EMCN: variants seen among roughly 807,000 people sequenced by gnomAD.
EMCN encodes the protein endomucin, also known as MUC-14.
EMCN carries 37 observed loss-of-function variants against 38.4 expected under a neutral mutation model. That is an observed-to-expected ratio of 0.96 (90% CI 0.74 to 1.27). The LOEUF is 1.27. EMCN is among the 50% of genes most tolerant of loss of function. EMCN has a pLI of 0.00. For missense variants in EMCN, 318 were observed against 302.8 expected (o/e 1.05, Z -0.37); for synonymous variants, 95 against 100.8 (o/e 0.94, Z 0.35).
intron 1 of EMCN, among the ~76,000 whole-genome samples, chr4:100,493,050 A>C (rs866963468): frequency 1.3e-5 from 2 of 152,214 alleles, no homozygotes; most frequent in Non-Finnish European, 2.9e-5. Flanking sequence ...TGAATTTATC[A>C]TGTTTATAAC....
At chr4:100,411,273 C>T (rs1300783133) in intron 10 of EMCN, among the ~76,000 whole-genome samples, 1 of 152,122 alleles carries the variant, frequency 6.6e-6, no homozygotes, top group Non-Finnish European at 1.5e-5. Flanking sequence ...CTGCAGCACC[C>T]CCAGCCCCTG....
intron 1 of EMCN, among the ~76,000 whole-genome samples, chr4:100,496,999 T>A (rs767511575): frequency 1.3e-5 from 2 of 151,872 alleles, no homozygotes; most frequent in Non-Finnish European, 2.9e-5. Flanking sequence ...TTTTTTCTCA[T>A]ATTAGCATGC....
intron 5 of EMCN, among the ~76,000 whole-genome samples, 177 bp downstream of exon 5, chr4:100,447,356 A>G (rs981626561): frequency 2.0e-5 from 3 of 152,074 alleles, no homozygotes; most frequent in African/African-American, 7.2e-5. Context: ...ATGTCCTTAT[A>G]TGTTCTCCTG....
chr4:100,479,293 T>C (rs921688961), intron 2 of EMCN, among the ~76,000 whole-genome samples: 6 of 152,248 alleles, frequency 3.9e-5, no homozygotes, highest in Non-Finnish European at 5.9e-5. Context: ...TTACAGGACC[T>C]GTGTGATATG....
chr4:100,478,276 G>T (rs1240829605), intron 2 of EMCN, among the ~76,000 whole-genome samples: 1 of 152,066 alleles, frequency 6.6e-6, no homozygotes, highest in Non-Finnish European at 1.5e-5. Flanking sequence ...TCTCTCAGTA[G>T]CTCTCATTAG....
At chr4:100,508,028 C>T (rs773663138) in intron 1 of EMCN, among the ~76,000 whole-genome samples, 2 of 152,044 alleles carry the variant, frequency 1.3e-5, no homozygotes, top group Admixed American at 6.6e-5. Flanking sequence ...GCAGAAGAAG[C>T]GTATCTAGTG....
At chr4:100,454,351 T>C (rs866199561) in intron 4 of EMCN, among the ~76,000 whole-genome samples, 4 of 151,924 alleles carry the variant, frequency 2.6e-5, no homozygotes, top group African/African-American at 9.7e-5. Flanking sequence ...CCTTTGTTAT[T>C]GACAACTAAC....
At chr4:100,456,873 C>T (rs1037300492) in intron 4 of EMCN, among the ~76,000 whole-genome samples, 3 of 152,072 alleles carry the variant, frequency 2.0e-5, no homozygotes, top group African/African-American at 7.2e-5. Flanking sequence ...ATTTATGCTA[C>T]ATCAATACCT....
At chr4:100,401,720 C>A (rs3775349) in intron 11 of EMCN, among the ~76,000 whole-genome samples, 26,376 of 152,094 alleles carry the variant, frequency 0.17, 3,809 homozygotes, top group East Asian at 0.77. Flanking sequence ...AAATAGCTAA[C>A]AATCCACATT....
intron 4 of EMCN, among the ~76,000 whole-genome samples, chr4:100,456,218 T>C (rs1439404164): frequency 6.6e-6 from 1 of 152,194 alleles, no homozygotes; most frequent in Non-Finnish European, 1.5e-5. Context: ...TCTGGTCTTT[T>C]TTCTCTCCAA....
intron 7 of EMCN, among the ~76,000 whole-genome samples, chr4:100,422,474 C>T (rs981145055): frequency 2.0e-5 from 3 of 151,984 alleles, no homozygotes; most frequent in African/African-American, 7.2e-5. Flanking sequence ...TCTTAGCACA[C>T]ACATAAATGT....
intron 1 of EMCN, among the ~76,000 whole-genome samples, chr4:100,510,356 G>A (rs911520670): frequency 6.6e-6 from 1 of 152,074 alleles, no homozygotes; most frequent in African/African-American, 2.4e-5. Context: ...TGCATATATT[G>A]TAATTAAAAT....
At chr4:100,499,356 T>C (rs909229423) in intron 1 of EMCN, among the ~76,000 whole-genome samples, 4 of 152,354 alleles carry the variant, frequency 2.6e-5, no homozygotes, top group African/African-American at 9.6e-5. Context: ...AATATGGCAA[T>C]ATTAGTATTA....
At chr4:100,433,026 T>C (rs571326655) in intron 5 of EMCN, among the ~76,000 whole-genome samples, 16 of 152,296 alleles carry the variant, frequency 1.1e-4, no homozygotes, top group African/African-American at 3.4e-4. Flanking sequence ...CCAAATACAG[T>C]ACAATTGTGT....
chr4:100,413,367 GT>G (rs891410504), intron 10 of EMCN, among the ~76,000 whole-genome samples: 62 of 149,544 alleles, frequency 4.1e-4, no homozygotes, highest in African/African-American at 1.3e-3. Context: ...AACCATTTAA[GT>G]TTTTTTTTTC....
intron 1 of EMCN, among the ~76,000 whole-genome samples, chr4:100,509,442 G>A (rs573643288): frequency 6.6e-6 from 1 of 152,252 alleles, no homozygotes; most frequent in Middle Eastern, 3.4e-3. Flanking sequence ...TTTAAAAACT[G>A]GGTTTGCAGA....
intron 1 of EMCN, among the ~76,000 whole-genome samples, chr4:100,485,377 C>T (rs1578225672): frequency 6.6e-6 from 1 of 151,978 alleles, no homozygotes; most frequent in African/African-American, 2.4e-5. Flanking sequence ...TGGTGTATCA[C>T]AGTATATCAT....
chr4:100,478,724 C>T (rs1486724004), intron 2 of EMCN, among the ~76,000 whole-genome samples: 1 of 152,164 alleles, frequency 6.6e-6, no homozygotes, highest in Non-Finnish European at 1.5e-5. Flanking sequence ...TAAAACTTCT[C>T]TGACCCATTA....
Position 100,423,317 on chromosome 4 carries a change from G to T in EMCN, c.503C>A (p.Ser168Tyr). ...PVTIPENTSQ[S>Y]QVIGTEGGKN... is the part of the protein sequence containing the mutation. ...CAGGCACACAGATATCATACCTTGA[G>T]ACTGTGAGGTGTTTTCTGGAATTGT... Residue 168 changes from serine (S) to tyrosine (Y), a missense_variant, in exon 6 of 12, where the codon TCT becomes TAT. Ser to Tyr is a moderately radical substitution (Grantham distance 144). Coordinates refer to ENST00000296420, the MANE Select transcript of EMCN (RefSeq NM_016242.4). 1 of 1,609,032 alleles carries T rather than the reference G, an allele frequency of 6.2e-7. No individual in the cohort carries two copies. The highest frequency in any genetic ancestry group is 1.1e-5 in the South Asian group (1 of 90,980).
Sources: gnomAD v4.1 joint callset for allele counts (sites outside exome capture counted in the v4.1 genomes callset) on GRCh38, gnomAD v4.1.1 for gene constraint, MANE v1.5 for transcripts, NCBI Gene and HGNC (gene_info 2026-07-23, HGNC 2026-07-21) for gene names.